The following RSRC1 variants were observed in gnomAD, a reference collection of about 807,000 sequenced individuals.
RSRC1 encodes arginine and serine rich coiled-coil 1.
A neutral mutation model predicts 49.1 loss-of-function variants in RSRC1; 39 were observed. The observed-to-expected ratio is 0.79, with a 90% CI of 0.61 to 1.04. The LOEUF (loss-of-function observed/expected upper bound fraction) is 1.04. RSRC1 is among the 50% of genes least tolerant of loss of function. The pLI, the probability that RSRC1 is intolerant of heterozygous loss-of-function variation, is 0.00. For missense variants in RSRC1, 388 were observed against 402.4 expected (o/e 0.96, Z 0.31); for synonymous variants, 143 against 130.8 (o/e 1.09, Z -0.63).
chr3:158,165,470 G>T (rs570225820), intron 3 of RSRC1, among the ~76,000 whole-genome samples: 24 of 152,308 alleles, frequency 1.6e-4, no homozygotes, highest in Middle Eastern at 3.4e-3. Flanking sequence ...TGAGCTGTTT[G>T]TAGCCATTTT....
intron 5 of RSRC1, among the ~76,000 whole-genome samples, chr3:158,299,497 T>G (rs942989888): frequency 6.6e-6 from 1 of 151,738 alleles, no homozygotes; most frequent in South Asian, 2.1e-4. Context: ...CACACTCAGC[T>G]ATTTTTTTGT....
chr3:158,386,414 TA>T (rs1366465364), intron 6 of RSRC1, among the ~76,000 whole-genome samples: 8 of 152,058 alleles, frequency 5.3e-5, no homozygotes, highest in African/African-American at 9.6e-5. Flanking sequence ...GACAACAAAG[TA>T]AATCCCTCTT....
chr3:158,115,918 A>T lies in RSRC1; in HGVS notation c.-3+5695A>T, dbSNP rs1608101. On this transcript the variant is annotated intron_variant, in intron 1 of 9. Transcript: ENST00000611884. Reference sequence around the variant, plus strand: ...ATATGGTTTTTGAAACCATATGGATAACCTTTGGTACTCCATTATGTTAAA... The same window carrying T: ...ATATGGTTTTTGAAACCATATGGATTACCTTTGGTACTCCATTATGTTAAA... Among the ~76,000 whole-genome samples the T allele has an allele frequency of 1.1e-4, 16 of 152,142 alleles. No homozygotes were observed. In the East Asian group the frequency reaches 1.4e-3, roughly 13 times the overall value.
At chr3:158,502,587 G>A (rs1372928209) in intron 7 of RSRC1, among the ~76,000 whole-genome samples, 2 of 151,984 alleles carry the variant, frequency 1.3e-5, no homozygotes, top group South Asian at 2.1e-4. Flanking sequence ...TGTCTTTGTT[G>A]TATTGGGTTA....
intron 3 of RSRC1, among the ~76,000 whole-genome samples, chr3:158,126,228 G>C (rs1715618539): frequency 6.6e-6 from 1 of 152,126 alleles, no homozygotes; most frequent in African/African-American, 2.4e-5. Context: ...AATAATTACT[G>C]ATGGGGAAGG....
At chr3:158,495,268 TG>T (rs1190118265) in intron 7 of RSRC1, among the ~76,000 whole-genome samples, 1 of 152,156 alleles carries the variant, frequency 6.6e-6, no homozygotes, top group Non-Finnish European at 1.5e-5. Flanking sequence ...TTTTTGTTTT[TG>T]TTTTTTGGGT....
At chr3:158,443,139 T>A (rs1308762395) in intron 6 of RSRC1, among the ~76,000 whole-genome samples, 1 of 152,054 alleles carries the variant, frequency 6.6e-6, no homozygotes, top group Non-Finnish European at 1.5e-5. Context: ...ATTGTTAGAA[T>A]GAGAAATGAG....
intron 4 of RSRC1, among the ~76,000 whole-genome samples, chr3:158,229,869 A>AT (rs892301451): frequency 1.3e-5 from 2 of 151,936 alleles, no homozygotes; most frequent in Admixed American, 6.6e-5. Flanking sequence ...CTGTGTAAGA[A>AT]TTTTTTACAT....
intron 8 of RSRC1, among the ~76,000 whole-genome samples, chr3:158,541,685 A>G (rs958486963): frequency 2.0e-5 from 3 of 152,250 alleles, no homozygotes; most frequent in Non-Finnish European, 2.9e-5. Context: ...ATTGAAAAAC[A>G]ATAGGTGTGG....
intron 4 of RSRC1, among the ~76,000 whole-genome samples, chr3:158,225,996 G>C (rs1264581672): frequency 6.6e-6 from 1 of 151,844 alleles, no homozygotes; most frequent in African/African-American, 2.4e-5. Flanking sequence ...CTGAGACCCA[G>C]GCCTCTAATG....
intron 3 of RSRC1, among the ~76,000 whole-genome samples, chr3:158,134,500 T>C (rs1158324780): frequency 6.6e-6 from 1 of 152,236 alleles, no homozygotes; most frequent in Non-Finnish European, 1.5e-5. Flanking sequence ...AAAATCTGCA[T>C]TGCATAGTTT....
intron 4 of RSRC1, among the ~76,000 whole-genome samples, chr3:158,238,767 G>GA (rs1341882078): frequency 3.3e-5 from 5 of 152,010 alleles, no homozygotes; most frequent in African/African-American, 9.7e-5. Context: ...GAAAACCCTA[G>GA]AAAAAAACAG....
intron 5 of RSRC1, among the ~76,000 whole-genome samples, chr3:158,307,669 A>G (rs1262681640): frequency 6.6e-6 from 1 of 151,914 alleles, no homozygotes; most frequent in Admixed American, 6.6e-5. Context: ...GTTCTAGACA[A>G]ACTTTCAAGC....
chr3:158,399,745 A>G (rs969185577), intron 6 of RSRC1, among the ~76,000 whole-genome samples: 3 of 152,128 alleles, frequency 2.0e-5, no homozygotes, highest in African/African-American at 7.2e-5. Flanking sequence ...ATCTAGCTCT[A>G]GAGACTGTTC....
intron 4 of RSRC1, among the ~76,000 whole-genome samples, chr3:158,205,534 G>C (rs1157129535): frequency 6.6e-6 from 1 of 152,004 alleles, no homozygotes; most frequent in African/African-American, 2.4e-5. Context: ...TCACACAGGT[G>C]GGAATATAAA....
chr3:158,475,392 C>G (rs1738322530), intron 7 of RSRC1, among the ~76,000 whole-genome samples: 1 of 152,094 alleles, frequency 6.6e-6, no homozygotes, highest in African/African-American at 2.4e-5. Context: ...ACAGACATAC[C>G]TTGTTTTATT....
At chr3:158,411,335 T>G (rs1411283672) in intron 6 of RSRC1, among the ~76,000 whole-genome samples, 1 of 152,150 alleles carries the variant, frequency 6.6e-6, no homozygotes, top group Non-Finnish European at 1.5e-5. Flanking sequence ...TGCTGTGTTG[T>G]AGAGTATGTA....
intron 5 of RSRC1, among the ~76,000 whole-genome samples, chr3:158,300,480 T>C (rs2108122201): frequency 6.6e-6 from 1 of 152,292 alleles, no homozygotes; most frequent in East Asian, 1.9e-4. Flanking sequence ...AAACTCACAA[T>C]TTATGGGTTG....
intron 5 of RSRC1, among the ~76,000 whole-genome samples, chr3:158,338,877 A>G (rs1730063976): frequency 6.6e-6 from 1 of 152,228 alleles, no homozygotes; most frequent in South Asian, 2.1e-4. Context: ...TAAAAGCATT[A>G]AGAATGCCTG....
Sources: allele counts gnomAD v4.1 joint callset (sites outside exome capture counted in the v4.1 genomes callset), GRCh38; gene constraint gnomAD v4.1.1; transcripts MANE v1.5; gene names NCBI Gene and HGNC (gene_info 2026-07-23, HGNC 2026-07-21).